The following CAST variants were observed in gnomAD, a reference collection of about 807,000 sequenced individuals.
The protein encoded by CAST is calpastatin.
In CAST, 76 loss-of-function variants were observed where a neutral mutation model predicts 119.6. That is an observed-to-expected ratio of 0.64 (90% CI 0.53 to 0.77). The LOEUF (loss-of-function observed/expected upper bound fraction) is 0.77. Among genes scored for constraint, CAST ranks in the 30% least tolerant of loss-of-function variants. The pLI is 0.00. For synonymous variants in CAST, 319 were observed against 331.6 expected, an observed-to-expected ratio of 0.96 and a Z score of 0.41; for missense variants, 953 against 946.5, an observed-to-expected ratio of 1.01 and a Z score of -0.09.
At chr5:96,238,363 T>TCTC in the CAST span, among the ~76,000 whole-genome samples, 2 of 125,420 alleles carry the variant, frequency 1.6e-5, no homozygotes, top group East Asian at 4.6e-4. Context: ...ATCTTCTTCT[T>TCTC]CTCCTTCTTC....
At chr5:96,638,067 G>A (rs1040681421) in intron 1 of CAST, among the ~76,000 whole-genome samples, 1 of 152,206 alleles carries the variant, frequency 6.6e-6, no homozygotes, top group Admixed American at 6.5e-5. Context: ...GCTTGGCAAG[G>A]AAGAGGTTGG....
chr5:96,397,099 A>G, the CAST span, among the ~76,000 whole-genome samples: 1 of 152,188 alleles, frequency 6.6e-6, no homozygotes, highest in Non-Finnish European at 1.5e-5. Context: ...AGTCTGTCAC[A>G]TTGTTTATAT....
chr5:96,771,501 G>T, intron 30 of CAST, 143 bp from the exon 31 acceptor site: 2 of 579,928 alleles, frequency 3.4e-6, no homozygotes, highest in Non-Finnish European at 6.1e-6. Flanking sequence ...CAATATTGTG[G>T]CCAGATGAAG....
At chr5:95,989,164 C>G in the CAST span, among the ~76,000 whole-genome samples, 1 of 152,134 alleles carries the variant, frequency 6.6e-6, no homozygotes, top group Non-Finnish European at 1.5e-5. Context: ...TATAACTAAG[C>G]CGCCTTAAAA....
At chr5:95,999,131 A>G in the CAST span, among the ~76,000 whole-genome samples, 1 of 152,138 alleles carries the variant, frequency 6.6e-6, no homozygotes, top group Non-Finnish European at 1.5e-5. Flanking sequence ...GCCTATTTAT[A>G]GTTATTCTCA....
At chr5:96,363,744 G>A in the CAST span, among the ~76,000 whole-genome samples, 140,775 of 152,208 alleles carry the variant, frequency 0.92, 65,317 homozygotes, top group African/African-American at 0.98. Context: ...GGCTAAGACG[G>A]TGGGGTTTTC....
intron 1 of CAST, among the ~76,000 whole-genome samples, chr5:96,569,027 G>T (rs942401871): frequency 6.6e-6 from 1 of 152,210 alleles, no homozygotes; most frequent in Non-Finnish European, 1.5e-5. Flanking sequence ...GCCACTCCAG[G>T]AACACAAACC....
the CAST span, among the ~76,000 whole-genome samples, chr5:96,461,089 C>T: frequency 1.3e-5 from 2 of 152,138 alleles, no homozygotes; most frequent in Non-Finnish European, 2.9e-5. Context: ...ACTGGAGATA[C>T]TCCACACAAA....
chr5:96,552,395 A>T (rs1284968171), intron 1 of CAST, among the ~76,000 whole-genome samples: 1 of 152,238 alleles, frequency 6.6e-6, no homozygotes, highest in Admixed American at 6.5e-5. Flanking sequence ...AACGTACCAG[A>T]ATCTCTGGGA....
the CAST span, among the ~76,000 whole-genome samples, chr5:95,974,789 C>G: frequency 1.1e-4 from 16 of 152,038 alleles, no homozygotes; most frequent in Non-Finnish European, 2.2e-4. Flanking sequence ...TTATGGTTTA[C>G]AACCATAAGG....
chr5:96,297,730 CT>C, the CAST span, among the ~76,000 whole-genome samples: 39 of 151,718 alleles, frequency 2.6e-4, 1 homozygote, highest in African/African-American at 8.5e-4. Flanking sequence ...TGCTTTTATT[CT>C]TTTTTTTTCT....
intron 29 of CAST, chr5:96,770,036 G>C (rs531636087): frequency 6.5e-6 from 1 of 154,378 alleles, no homozygotes; most frequent in Non-Finnish European, 1.4e-5. Flanking sequence ...TGGGAGTGCA[G>C]ATATCTTTAT....
At chr5:96,683,166 G>A (rs1422608870) in intron 2 of CAST, among the ~76,000 whole-genome samples, 1 of 152,216 alleles carries the variant, frequency 6.6e-6, no homozygotes. Context: ...ACATTTCTGT[G>A]TGGAGTATGA....
the CAST span, among the ~76,000 whole-genome samples, chr5:96,369,057 T>C: frequency 6.6e-6 from 1 of 151,990 alleles, no homozygotes; most frequent in Non-Finnish European, 1.5e-5. Flanking sequence ...GATTATTTCA[T>C]CCATGCACCC....
rs762352810 is a variant in CAST at position 96,771,641 on chromosome 5, T to C, written c.2341-3T>C. 4 of 1,611,600 alleles carry C rather than the reference T, an allele frequency of 2.5e-6. No homozygotes were observed. The South Asian group carries it at 4.4e-5, about 18-fold the overall frequency. On this transcript the variant is annotated splice_polypyrimidine_tract_variant and splice_region_variant and intron_variant, in intron 30 of 31. Transcript: ENST00000675179. ...TCACGGATGGTTTTGCTTTCCCTTT[T>C]AGACAACAGAGGAAACTTCCAAGCC...
At chr5:96,452,976 A>AAAAAAAAAAAAAAAAG in the CAST span, among the ~76,000 whole-genome samples, 10 of 142,418 alleles carry the variant, frequency 7.0e-5, no homozygotes, top group African/African-American at 2.9e-4. Context: ...AAAAAAAAAA[A>AAAAAAAAAAAAAAAAG]CAGAAGAAAG....
intron 1 of CAST, among the ~76,000 whole-genome samples, chr5:96,619,974 A>G (rs1561432623): frequency 6.6e-6 from 1 of 152,220 alleles, no homozygotes; most frequent in Non-Finnish European, 1.5e-5. Flanking sequence ...CACTTCTGTA[A>G]AATAAAGACA....
At chr5:96,160,055 A>T in the CAST span, among the ~76,000 whole-genome samples, 1 of 151,720 alleles carries the variant, frequency 6.6e-6, no homozygotes, top group Non-Finnish European at 1.5e-5. Flanking sequence ...CATGAGAATC[A>T]CTTGAACCTG....
At chr5:96,149,378 G>T in the CAST span, among the ~76,000 whole-genome samples, 2 of 152,192 alleles carry the variant, frequency 1.3e-5, no homozygotes, top group African/African-American at 4.8e-5. Context: ...AGCAGCTCTT[G>T]TTATCCATCA....
Sources: gnomAD v4.1 joint callset for allele counts (sites outside exome capture counted in the v4.1 genomes callset) on GRCh38, gnomAD v4.1.1 for gene constraint, MANE v1.5 for transcripts, NCBI Gene and HGNC (gene_info 2026-07-23, HGNC 2026-07-21) for gene names.